PTH2R: variants seen among roughly 807,000 people sequenced by gnomAD.
PTH2R encodes the protein parathyroid hormone 2 receptor.
PTH2R carries 59 observed loss-of-function variants against 60.3 expected under a neutral mutation model. The observed-to-expected ratio is 0.98, with a 90% CI of 0.79 to 1.22. The LOEUF is 1.22. PTH2R is among the 50% of genes most tolerant of loss of function. The pLI is 0.00. For synonymous variants in PTH2R, 256 were observed against 243.8 expected (o/e 1.05, Z -0.47); for missense variants, 749 against 682.6 (o/e 1.10, Z -1.08).
At chr2:208,370,203 G>C (rs529298816) in intron 1 of PTH2R, among the ~76,000 whole-genome samples, 40 of 152,064 alleles carry the variant, frequency 2.6e-4, no homozygotes, top group Admixed American at 7.2e-4. Flanking sequence ...CAGCACTTCG[G>C]GAGGCCGAAG....
chr2:208,485,801 C>A (rs187635539), intron 10 of PTH2R, among the ~76,000 whole-genome samples: 2 of 152,256 alleles, frequency 1.3e-5, no homozygotes, highest in East Asian at 3.9e-4. Flanking sequence ...GATGGGGTAG[C>A]CTTTCCATTG....
At chr2:208,417,572 T>A (rs11903811) in intron 1 of PTH2R, among the ~76,000 whole-genome samples, 104,379 of 110,644 alleles carry the variant, frequency 0.94, 49,088 homozygotes, top group Middle Eastern at 0.99. Flanking sequence ...TTTTTTTTTG[T>A]GATGGTGTCT....
At chr2:208,472,846 T>C (rs1277057352) in intron 9 of PTH2R, among the ~76,000 whole-genome samples, 1 of 152,038 alleles carries the variant, frequency 6.6e-6, no homozygotes, top group East Asian at 1.9e-4. Flanking sequence ...CAAATAACTT[T>C]TAAGTAGGTA....
chr2:208,378,109 G>A (rs374532399), intron 1 of PTH2R, among the ~76,000 whole-genome samples: 8,678 of 152,024 alleles, frequency 0.057, 323 homozygotes, highest in Non-Finnish European at 0.079. Context: ...ACCAGACTCC[G>A]TCTGCAATCC....
At chr2:208,377,853 A>G (rs1243114459) in intron 1 of PTH2R, among the ~76,000 whole-genome samples, 13 of 133,696 alleles carry the variant, frequency 9.7e-5, no homozygotes, top group South Asian at 5.2e-4. Flanking sequence ...CCTAGACGTG[A>G]TGGTGGCCGG....
At chr2:208,445,717 C>A (rs528157252) in intron 7 of PTH2R, among the ~76,000 whole-genome samples, 1 of 152,060 alleles carries the variant, frequency 6.6e-6, no homozygotes, top group Non-Finnish European at 1.5e-5. Flanking sequence ...TAAGAATATG[C>A]CTTTGCCTAT....
At position 208,465,388 on chromosome 2, in the gene PTH2R, CTTTTTTTTTTTTTTTTTTTT is replaced by C. The variant is rs60871321; in HGVS notation, c.981+5440_981+5459del. On this transcript the variant is annotated intron_variant, in intron 9 of 12. Transcript: ENST00000272847. ...ACATACTTGTTGGCTATTTGTAAGT[CTTTTTTTTTTTTTTTTTTTT>C]TTTTTTTTTTTTGTGATGGAGTCTC... Among the ~76,000 whole-genome samples the C allele has an allele frequency of 7.5e-5, 3 of 39,904 alleles. No homozygotes were observed. In the Admixed American group the frequency reaches 1.4e-3, roughly 18 times the overall value. 26.2% of individuals were successfully genotyped at this position (39,904 alleles called of 152,430 possible).
intron 1 of PTH2R, among the ~76,000 whole-genome samples, chr2:208,399,861 G>T (rs892929011): frequency 1.3e-5 from 2 of 152,166 alleles, no homozygotes; most frequent in African/African-American, 4.8e-5. Flanking sequence ...TTTATTTGAG[G>T]TTTTTCTTTC....
At chr2:208,406,784 T>C (rs1283974709), upstream of PTH2R, 1 of 345,450 alleles carries the variant, frequency 2.9e-6, no homozygotes, top group African/African-American at 2.1e-5. Flanking sequence ...GGGCTGCGAG[T>C]CAAGTCCAGG....
intron 1 of PTH2R, among the ~76,000 whole-genome samples, chr2:208,401,133 C>T (rs1701300858): frequency 1.3e-5 from 2 of 152,146 alleles, no homozygotes; most frequent in Non-Finnish European, 2.9e-5. Flanking sequence ...GTGTATGAAT[C>T]CTATGAAGAA....
chr2:208,417,064 A>T (rs1489466266), intron 1 of PTH2R, among the ~76,000 whole-genome samples: 1 of 152,212 alleles, frequency 6.6e-6, no homozygotes. Context: ...GGGATGAAGA[A>T]AAAAAGAGTT....
chr2:208,476,219 C>T (rs958778485), intron 9 of PTH2R, among the ~76,000 whole-genome samples: 1 of 151,978 alleles, frequency 6.6e-6, no homozygotes, highest in Non-Finnish European at 1.5e-5. Flanking sequence ...TTCATTTTCT[C>T]CCAGTTGCAG....
At chr2:208,450,145 T>C (rs1702374426) in intron 7 of PTH2R, among the ~76,000 whole-genome samples, 1 of 152,226 alleles carries the variant, frequency 6.6e-6, no homozygotes, top group South Asian at 2.1e-4. Flanking sequence ...TTAGCACTTA[T>C]GAAGGACAAA....
At chr2:208,362,350 A>G (rs1214801660) in intron 1 of PTH2R, among the ~76,000 whole-genome samples, 2 of 152,200 alleles carry the variant, frequency 1.3e-5, no homozygotes, top group South Asian at 2.1e-4. Flanking sequence ...TTATGTATCT[A>G]TAATTCATAT....
intron 1 of PTH2R, among the ~76,000 whole-genome samples, chr2:208,394,625 T>C (rs1017350401): frequency 6.6e-6 from 1 of 152,156 alleles, no homozygotes; most frequent in Non-Finnish European, 1.5e-5. Context: ...CCTAGACTTG[T>C]GTGACCTGTG....
intron 4 of PTH2R, among the ~76,000 whole-genome samples, chr2:208,439,081 G>T (rs1056722802): frequency 2.0e-5 from 3 of 152,090 alleles, no homozygotes; most frequent in Non-Finnish European, 4.4e-5. Context: ...AGTGTACTCT[G>T]TGATTATCTT....
chr2:208,418,935 A>G (rs1259766484), intron 1 of PTH2R, among the ~76,000 whole-genome samples: 1 of 152,216 alleles, frequency 6.6e-6, no homozygotes, highest in Non-Finnish European at 1.5e-5. Context: ...ACATGTATAA[A>G]TAATACTACA....
intron 7 of PTH2R, among the ~76,000 whole-genome samples, chr2:208,445,682 T>A (rs973454132): frequency 6.6e-6 from 1 of 152,136 alleles, no homozygotes; most frequent in Non-Finnish European, 1.5e-5. Flanking sequence ...ACGACTAAAT[T>A]TGAAGGTTTT....
chr2:208,463,825 C>G (rs1441623196), intron 9 of PTH2R, among the ~76,000 whole-genome samples: 1 of 152,224 alleles, frequency 6.6e-6, no homozygotes, highest in Non-Finnish European at 1.5e-5. Context: ...CCTGAGGGGA[C>G]TCCCAGGGAT....
Sources: allele counts gnomAD v4.1 joint callset (sites outside exome capture counted in the v4.1 genomes callset), GRCh38; gene constraint gnomAD v4.1.1; transcripts MANE v1.5; gene names NCBI Gene and HGNC (gene_info 2026-07-23, HGNC 2026-07-21).